Variants in CGNL1 observed in about 807,000 individuals in gnomAD.
CGNL1 encodes the protein cingulin-like protein 1.
Under a neutral mutation model 141.2 loss-of-function variants are expected in CGNL1, and 132 were observed. The ratio of observed to expected loss-of-function variants is 0.93; its 90% confidence interval spans 0.81 to 1.08. The LOEUF is 1.08. Among genes scored for constraint, CGNL1 ranks in the 50% least tolerant of loss-of-function variants. CGNL1 has a pLI of 0.00. For missense variants in CGNL1, 1,870 were observed against 1,588.6 expected (o/e 1.18, Z -3.01); for synonymous variants, 690 against 622.1 (o/e 1.11, Z -1.63).
chr15:57,406,129 G>A (rs1406825969), intron 1 of CGNL1: 3 of 152,380 alleles, frequency 2.0e-5, no homozygotes, highest in African/African-American at 7.2e-5. Context: ...AGAGGGTGAG[G>A]ATGGGGCGGA....
At chr15:57,392,836 T>G (rs2062558455) in intron 1 of CGNL1, among the ~76,000 whole-genome samples, 2 of 152,204 alleles carry the variant, frequency 1.3e-5, no homozygotes, top group African/African-American at 2.4e-5. Context: ...AGTCATTTTT[T>G]TTTAAAGGAA....
Position 57,443,674 on chromosome 15 carries a change from C to G in CGNL1, c.1803+1196C>G, listed in dbSNP as rs921721559. Among the ~76,000 whole-genome samples the G allele has an allele frequency of 3.3e-5, 5 of 152,196 alleles. No homozygotes were observed. The East Asian group carries it at 9.6e-4, about 29-fold the overall frequency. The stretch of plus-strand genomic sequence containing the variant: ...CACTGGGGAATCTTTACACCATAGT[C>G]CTTGCGTATTACACCATAGTCCTTG... On this transcript the variant is annotated intron_variant, in intron 4 of 18. Coordinates refer to ENST00000281282, the MANE Select transcript of CGNL1 (RefSeq NM_032866.5).
At chr15:57,480,954 C>G (rs1310883956) in intron 8 of CGNL1, among the ~76,000 whole-genome samples, 1 of 151,884 alleles carries the variant, frequency 6.6e-6, no homozygotes, top group Non-Finnish European at 1.5e-5. Flanking sequence ...CAAATCATTC[C>G]TTAATGAACA....
chr15:57,379,885 A>G (rs547822226), intron 1 of CGNL1, among the ~76,000 whole-genome samples: 110 of 152,268 alleles, frequency 7.2e-4, no homozygotes, highest in Non-Finnish European at 1.2e-3. Context: ...ACTGACCTTT[A>G]CCGAGGAGGG....
chr15:57,489,860 A>T (rs2922223), intron 8 of CGNL1, among the ~76,000 whole-genome samples: 5 of 152,176 alleles, frequency 3.3e-5, no homozygotes, highest in Non-Finnish European at 5.9e-5. Context: ...TCAAGTTAGG[A>T]TTACTGCCAT....
chr15:57,529,234 C>T (rs1479286310), intron 13 of CGNL1, among the ~76,000 whole-genome samples: 1 of 152,218 alleles, frequency 6.6e-6, no homozygotes, highest in Non-Finnish European at 1.5e-5. Context: ...ACACCACATT[C>T]TCCATTCTTG....
At chr15:57,428,670 T>C (rs2063007580) in intron 1 of CGNL1, among the ~76,000 whole-genome samples, 1 of 151,904 alleles carries the variant, frequency 6.6e-6, no homozygotes, top group East Asian at 1.9e-4. Flanking sequence ...AGGATTTTCA[T>C]AGGTGAAGGG....
chr15:57,444,543 A>G (rs1389720363), intron 4 of CGNL1, among the ~76,000 whole-genome samples: 20 of 152,266 alleles, frequency 1.3e-4, no homozygotes, highest in Admixed American at 1.0e-3. Flanking sequence ...CTTGATGTTG[A>G]GATTGTCCTT....
intron 8 of CGNL1, among the ~76,000 whole-genome samples, chr15:57,500,344 A>T (rs962322925): frequency 8.5e-5 from 13 of 152,240 alleles, no homozygotes; most frequent in Non-Finnish European, 1.9e-4. Flanking sequence ...GTGGGAGAGG[A>T]ATTACTTACG....
At chr15:57,540,677 A>G (rs528979035) in intron 14 of CGNL1, among the ~76,000 whole-genome samples, 10 of 152,200 alleles carry the variant, frequency 6.6e-5, no homozygotes, top group Middle Eastern at 3.4e-3. Flanking sequence ...CACCCAGTGC[A>G]CCCACCCCAG....
At chr15:57,432,686 C>T (rs1179706753) in intron 1 of CGNL1, among the ~76,000 whole-genome samples, 1 of 152,218 alleles carries the variant, frequency 6.6e-6, no homozygotes, top group Non-Finnish European at 1.5e-5. Context: ...AAGTGGAGAA[C>T]AGCTGTCCCT....
intron 9 of CGNL1, among the ~76,000 whole-genome samples, chr15:57,517,799 A>G (rs1302333734): frequency 1.3e-5 from 2 of 151,916 alleles, no homozygotes; most frequent in African/African-American, 4.8e-5. Flanking sequence ...TGGCCTCATC[A>G]CCCCCTAAAG....
chr15:57,513,024 G>T (rs1376931496), intron 8 of CGNL1, among the ~76,000 whole-genome samples: 1 of 151,170 alleles, frequency 6.6e-6, no homozygotes, highest in Admixed American at 6.6e-5. Flanking sequence ...TATTGAAATT[G>T]TACAGTTCAG....
chr15:57,429,396 G>T (rs2063017583), intron 1 of CGNL1, among the ~76,000 whole-genome samples: 1 of 152,186 alleles, frequency 6.6e-6, no homozygotes. Flanking sequence ...TGACTGCAGG[G>T]GTGCAGTGAT....
At position 57,442,505 on chromosome 15, in the gene CGNL1, A is replaced by G. The variant is rs772864937; in HGVS notation, c.1803+27A>G. 6 of 1,372,716 alleles carry G rather than the reference A, an allele frequency of 4.4e-6. No individual in the cohort carries two copies. The South Asian group carries it at 5.8e-5, about 13-fold the overall frequency. 85.0% of individuals were successfully genotyped at this position (1,372,716 alleles called of 1,614,324 possible). A position where few individuals can be genotyped will look rare whatever the true frequency, so the allele number is the denominator to read the frequency against. ...TAAATGGAAGTTTTGTATTTTGTAG[A>G]GTGCATTTAGCATGGAATGTGGTAA... On this transcript the variant is annotated intron_variant, in intron 4 of 18. Transcript: ENST00000281282.
intron 14 of CGNL1, among the ~76,000 whole-genome samples, chr15:57,538,307 T>C (rs769399330): frequency 1.2e-4 from 19 of 152,236 alleles, no homozygotes; most frequent in Non-Finnish European, 2.5e-4. Context: ...AAGCCTGGGT[T>C]TGCAAAGACT....
chr15:57,400,121 G>GTAGT (rs1201800050), intron 1 of CGNL1, among the ~76,000 whole-genome samples: 2 of 151,842 alleles, frequency 1.3e-5, no homozygotes, highest in Admixed American at 1.3e-4. Flanking sequence ...AGCCTCTCGA[G>GTAGT]TAGTTGGGAG....
intron 1 of CGNL1, among the ~76,000 whole-genome samples, chr15:57,384,887 G>A (rs16977440): frequency 0.032 from 4,797 of 152,284 alleles, 253 homozygotes; most frequent in African/African-American, 0.11. Context: ...CAGAAAAACA[G>A]ACAAGCCTTA....
In CGNL1 at chr15:57,461,902, G is replaced by A; in HGVS notation, c.2403+10G>A. On this transcript the variant is annotated intron_variant, in intron 8 of 18. Transcript: ENST00000281282. ...GGAAGAAGCAACCAAGGTGAGGGAT[G>A]GGGCAGGAGAATCTGGCTTGTGAAC... 7 of 1,609,440 alleles carry A rather than the reference G, an allele frequency of 4.3e-6. No individual in the cohort carries two copies. The highest frequency in any genetic ancestry group is 6.0e-6 in the Non-Finnish European group (7 of 1,176,270).
Sources: gnomAD v4.1 joint callset for allele counts (sites outside exome capture counted in the v4.1 genomes callset) on GRCh38, gnomAD v4.1.1 for gene constraint, MANE v1.5 for transcripts, NCBI Gene and HGNC (gene_info 2026-07-23, HGNC 2026-07-21) for gene names.